CFAP20DC: variants seen among roughly 807,000 people sequenced by gnomAD.
CFAP20DC encodes protein CFAP20DC.
In CFAP20DC, 84 loss-of-function variants were observed where a neutral mutation model predicts 101.7. The ratio of observed to expected loss-of-function variants is 0.83; its 90% CI spans 0.69 to 0.99. The LOEUF (loss-of-function observed/expected upper bound fraction) is 0.99, where lower values mean the gene tolerates loss of function less well. CFAP20DC is among the 50% of genes least tolerant of loss of function. The pLI, the probability that CFAP20DC is intolerant of heterozygous loss-of-function variation, is 0.00. For missense variants in CFAP20DC, 1,007 were observed against 970.3 expected (o/e 1.04, Z -0.50); for synonymous variants, 359 against 351.2 (o/e 1.02, Z -0.25).
intron 15 of CFAP20DC, among the ~76,000 whole-genome samples, chr3:58,774,520 A>C (rs766972541): frequency 1.3e-5 from 2 of 152,228 alleles, no homozygotes; most frequent in Non-Finnish European, 2.9e-5. Flanking sequence ...GGCACACACA[A>C]AAAATCAACT....
rs2067910407 is a variant in CFAP20DC, at chr3:58,742,175, T to C, written c.*285A>G. ...CTTAATTTGTTTACATAAAATTATC[T>C]GAAATAAACAAAATTATATGTAGAA... On this transcript the variant is annotated 3_prime_UTR_variant, in exon 17 of 17. Coordinates refer to ENST00000482387, the MANE Select transcript of CFAP20DC (RefSeq NM_001394063.1). The C allele has an allele frequency of 1.1e-6, 1 of 946,990 alleles. No homozygotes were observed. The highest frequency in any genetic ancestry group is 1.7e-5 in the African/African-American group (1 of 57,248). The allele number at this position is 946,990 out of a possible 1,614,324, so 58.7% of individuals were successfully genotyped here.
At chr3:58,982,620 C>A (rs1182436852) in intron 4 of CFAP20DC, among the ~76,000 whole-genome samples, 7 of 147,658 alleles carry the variant, frequency 4.7e-5, no homozygotes, top group Non-Finnish European at 1.0e-4. Context: ...AAAAAACAAA[C>A]ACCGCATGTT....
At chr3:59,046,832 A>C (rs1560048385) in intron 2 of CFAP20DC, among the ~76,000 whole-genome samples, 1 of 152,120 alleles carries the variant, frequency 6.6e-6, no homozygotes, top group Non-Finnish European at 1.5e-5. Flanking sequence ...GTAGGGATGA[A>C]TGCTGAAGTA....
chr3:58,919,974 A>G (rs1254483078), intron 5 of CFAP20DC, among the ~76,000 whole-genome samples: 1 of 151,906 alleles, frequency 6.6e-6, no homozygotes, highest in African/African-American at 2.4e-5. Flanking sequence ...TTTCCTTTCC[A>G]ATCTGTCTAT....
In CFAP20DC at chr3:58,897,779, GA is replaced by G. The variant is rs2082789775; in HGVS notation, c.551-13071del. On this transcript the variant is annotated intron_variant, in intron 6 of 16. Coordinates refer to ENST00000482387, the MANE Select transcript of CFAP20DC (RefSeq NM_001394063.1). This position sits in a 1 kb window ranked among gnomAD's most constrained non-coding sequence, Gnocchi z 4.4. ...GTCTGATGGGCTTCCCTTTGTATGC[GA>G]ACTGGCCTTGCCCTCTGGCTGCCCT... is the stretch of plus-strand genomic sequence containing the variant. Among the ~76,000 whole-genome samples, 1 of 152,258 alleles carries G rather than the reference GA, an allele frequency of 6.6e-6. No homozygotes were observed. The highest frequency in any genetic ancestry group is 1.5e-5 in the Non-Finnish European group (1 of 68,014).
intron 15 of CFAP20DC, among the ~76,000 whole-genome samples, chr3:58,783,961 T>C (rs1049762261): frequency 2.0e-5 from 3 of 152,096 alleles, no homozygotes; most frequent in Non-Finnish European, 4.4e-5. Context: ...ATGCAGGTAC[T>C]GAGCATGGTA....
chr3:58,811,457 G>A (rs2074624703), intron 14 of CFAP20DC, among the ~76,000 whole-genome samples: 1 of 152,082 alleles, frequency 6.6e-6, no homozygotes, highest in Admixed American at 6.5e-5. Context: ...AATGGGGAAA[G>A]GATTCCCTAT....
rs537872175 is a variant in CFAP20DC at position 58,810,320 on chromosome 3, C to A, written c.2176-3864G>T. 1.9e-3 allele frequency among the ~76,000 whole-genome samples: 289 copies of A among 152,164 alleles called. 2 individuals carry two copies. The highest frequency in any genetic ancestry group is 6.7e-3 in the African/African-American group (277 of 41,506). On this transcript the variant is annotated intron_variant, in intron 14 of 16. Coordinates refer to ENST00000482387, the MANE Select transcript of CFAP20DC (RefSeq NM_001394063.1). ...AAATCCTCAATAAAATACTGGCAAA[C>A]CAAATCCAGCAGCATATCAAAAAGC...
chr3:59,008,618 C>G (rs1204523545), intron 4 of CFAP20DC, among the ~76,000 whole-genome samples: 1 of 151,904 alleles, frequency 6.6e-6, no homozygotes, highest in African/African-American at 2.4e-5. Flanking sequence ...GGACAAAAAA[C>G]CAAACACAGC....
At chr3:58,973,859 G>C (rs2108401673) in intron 4 of CFAP20DC, among the ~76,000 whole-genome samples, 1 of 152,242 alleles carries the variant, frequency 6.6e-6, no homozygotes, top group Non-Finnish European at 1.5e-5. Flanking sequence ...CTTATAGAAA[G>C]GGTCATCAGT....
chr3:58,872,568 TG>T (rs1257319963), intron 7 of CFAP20DC, among the ~76,000 whole-genome samples: 1 of 152,112 alleles, frequency 6.6e-6, no homozygotes, highest in African/African-American at 2.4e-5. Flanking sequence ...GAATTTTTGC[TG>T]AACAGGAGAC....
intron 6 of CFAP20DC, among the ~76,000 whole-genome samples, chr3:58,896,838 G>C (rs1006871688): frequency 1.9e-4 from 29 of 151,960 alleles, no homozygotes; most frequent in African/African-American, 7.0e-4. Flanking sequence ...TGTCATGTGG[G>C]GATGAGAAGA....
At chr3:58,770,180 C>T (rs764988187) in intron 15 of CFAP20DC, among the ~76,000 whole-genome samples, 21 of 152,194 alleles carry the variant, frequency 1.4e-4, no homozygotes, top group Non-Finnish European at 2.5e-4. Flanking sequence ...CAAATCCAGA[C>T]ATCAGGCATT....
chr3:58,783,217 G>T (rs1264990233), intron 15 of CFAP20DC, among the ~76,000 whole-genome samples: 2 of 151,934 alleles, frequency 1.3e-5, no homozygotes, highest in Non-Finnish European at 2.9e-5. Context: ...TGGGAAAATT[G>T]GATATCCATA....
chr3:58,796,631 G>GTT (rs1447370221), intron 15 of CFAP20DC, among the ~76,000 whole-genome samples: 1 of 152,108 alleles, frequency 6.6e-6, no homozygotes, highest in Non-Finnish European at 1.5e-5. Flanking sequence ...ACAGCTTCAG[G>GTT]TTCTCTCTCT....
At chr3:58,771,884 T>A (rs1371604586) in intron 15 of CFAP20DC, among the ~76,000 whole-genome samples, 1 of 152,232 alleles carries the variant, frequency 6.6e-6, no homozygotes, top group African/African-American at 2.4e-5. Context: ...TGGTATATAG[T>A]CTTCTGGGTC....
At chr3:58,767,980 T>A (rs2070472676) in intron 15 of CFAP20DC, among the ~76,000 whole-genome samples, 1 of 152,242 alleles carries the variant, frequency 6.6e-6, no homozygotes, top group Non-Finnish European at 1.5e-5. Context: ...TTTACTTGTA[T>A]GCGTTTCTCC....
chr3:59,046,092 C>T (rs1699837770), intron 3 of CFAP20DC, 137 bp downstream of exon 3: 1 of 636,006 alleles, frequency 1.6e-6, no homozygotes, highest in Non-Finnish European at 2.6e-6. Context: ...TAGTTGCCCT[C>T]TAAATTAAAA....
At chr3:58,789,714 A>T (rs996518489) in intron 15 of CFAP20DC, among the ~76,000 whole-genome samples, 1 of 152,066 alleles carries the variant, frequency 6.6e-6, no homozygotes, top group Non-Finnish European at 1.5e-5. Context: ...TGATAAATGG[A>T]TTTTTGAACA....
Sources: gnomAD v4.1 joint callset for allele counts (sites outside exome capture counted in the v4.1 genomes callset) on GRCh38, gnomAD v4.1.1 for gene constraint, Gnocchi (gnomAD v3.1) non-coding constraint, MANE v1.5 for transcripts, NCBI Gene and HGNC (gene_info 2026-07-23, HGNC 2026-07-21) for gene names.